Variants in CFP observed in about 807,000 individuals in gnomAD.
CFP encodes the protein properdin.
In CFP, 14 loss-of-function variants were observed where a neutral mutation model predicts 42.1. The observed-to-expected ratio is 0.33, with a 90% CI of 0.22 to 0.52. The LOEUF is 0.52. Ranked by LOEUF, CFP falls within the 20% of genes least tolerant of loss-of-function variation. The pLI is 0.96. For synonymous variants in CFP, 149 were observed against 160.6 expected (o/e 0.93, Z 0.54); for missense variants, 318 against 400.4 (o/e 0.79, Z 1.76).
At chrX:47,629,486 T>G in intron 2 of CFP, 38 bp downstream of exon 2, 1 of 669,632 alleles carries the variant, frequency 1.5e-6, no homozygotes, top group Non-Finnish European at 2.3e-6. Context: ...AGACAGTCCT[T>G]CCCTCCCCCC....
rs377699424 is a variant in CFP, at chrX:47,626,500, C to T, written c.960G>A (p.Ser320=). Reference sequence around the variant, plus strand: ...GGATACAGGGGCTCCACTCCCCCCACGAGTCCCACTCCCCATCCACTGCAG... The same window carrying T: ...GGATACAGGGGCTCCACTCCCCCCATGAGTCCCACTCCCCATCCACTGCAG... ...VPCPVDGEWD[S]WGEWSPCIRR... The change falls in exon 7 of 9, where the codon TCG becomes TCA. Residue 320 remains serine (S), a synonymous_variant. Transcript: ENST00000396992. 1.1e-5 allele frequency: 13 copies of T among 1,211,742 alleles called. 1 individual carries two copies. The highest frequency in any genetic ancestry group is 2.3e-4 in the Middle Eastern group (1 of 4,355).
chrX:47,629,406 C>T (rs1246965255), intron 2 of CFP, 118 bp downstream of exon 2: 9 of 551,311 alleles, frequency 1.6e-5, no homozygotes, highest in South Asian at 2.9e-5. Context: ...GGTATGGTCA[C>T]GATCAGGGCC....
At chrX:47,624,530 C>T (rs895585099) in intron 8 of CFP, 90 bp from the exon 9 acceptor site, 162 of 632,154 alleles carry the variant, frequency 2.6e-4, no homozygotes, top group Non-Finnish European at 3.2e-4. Flanking sequence ...TGCTATATGC[C>T]GAGGGCTACT....
chrX:47,630,085 C>T (rs2057985354), upstream of CFP: 1 of 423,386 alleles, frequency 2.4e-6, no homozygotes, highest in African/African-American at 2.5e-5. Flanking sequence ...CTCCTCCCAG[C>T]AACCTCACAG....
At chrX:47,629,486 T>TCCCACCCCCCCCAACC in intron 2 of CFP, 38 bp downstream of exon 2, 2 of 669,645 alleles carry the variant, frequency 3.0e-6, no homozygotes, top group Admixed American at 2.8e-5. Flanking sequence ...AGACAGTCCT[T>TCCCACCCCCCCCAACC]CCCTCCCCCC....
chrX:47,626,651 A>G (rs2057969693), intron 6 of CFP, 122 bp downstream of exon 6: 10 of 1,040,607 alleles, frequency 9.6e-6, no homozygotes. Flanking sequence ...GGTGGAAACA[A>G]GGTATCAGGG....
rs2147936766 is a variant in CFP at position 47,626,840 on chromosome X, A to G, written c.873T>C (p.His291=). 2.5e-6 allele frequency: 3 copies of G among 1,210,707 alleles called. No homozygotes were observed. Among genetic ancestry groups the G allele is most frequent in the Non-Finnish European group, 3.4e-6 (3 of 894,767 alleles). The change falls in exon 6 of 9, where the codon CAT becomes CAC. Residue 291 remains histidine, a synonymous_variant. Transcript: ENST00000396992. ...QRTCNHPVPQ[H]GGPFCAGDAT... is the part of the protein sequence containing the mutation. Reference sequence around the variant, plus strand: ...CATCGCCAGCACAGAAGGGGCCCCCATGCTGGGGCACAGGGTGATTGCACG... The same window carrying G: ...CATCGCCAGCACAGAAGGGGCCCCCGTGCTGGGGCACAGGGTGATTGCACG...
Position 47,623,924 on chromosome X carries a change from G to A in CFP, c.*351C>T, listed in dbSNP as rs960560746. On this transcript the variant is annotated 3_prime_UTR_variant, in exon 9 of 9. Coordinates refer to ENST00000396992, the MANE Select transcript of CFP (RefSeq NM_001145252.3). ...CCTGCCAGGACAAGTAGCCAATCAG[G>A]AAACCCGTAACGCGGAGCTCTGCAG... is the stretch of plus-strand genomic sequence containing the variant. The A allele has an allele frequency of 6.0e-5, 12 of 201,269 alleles. No homozygotes were observed. The highest frequency in any genetic ancestry group is 1.8e-3 in the Middle Eastern group (1 of 554). 16.6% of individuals were successfully genotyped at this position (201,269 alleles called of 1,213,427 possible).
At position 47,626,483 on chromosome X, in the gene CFP, G is replaced by A. The variant is rs144021755; in HGVS notation, c.977C>T (p.Pro326Leu). 48 of 1,209,770 alleles carry A rather than the reference G, an allele frequency of 4.0e-5. No individual in the cohort carries two copies. In the African/African-American group the frequency reaches 8.2e-4, roughly 21 times the overall value. The change falls in exon 7 of 9, where the codon CCC (proline) becomes CTC (leucine). Residue 326 changes from proline to leucine, a missense_variant. Transcript: ENST00000396992. ...GEWDSWGEWS[P>L]CIRRNMKSIS... Reference sequence around the variant, plus strand: ...GGACTTCATGTTCCGTCGGATACAGGGGCTCCACTCCCCCCACGAGTCCCA... The same window carrying A: ...GGACTTCATGTTCCGTCGGATACAGAGGCTCCACTCCCCCCACGAGTCCCA...
rs132630261 is a variant in CFP at position 47,626,062 on chromosome X, A to G, written c.1240T>C (p.Tyr414His). ...ATACTTTGCCCTCTCACTCACGGGTACTTGGGGAGCAAGGGTGTGCAGAGG... is the reference window on the plus strand; with the variant it reads ...ATACTTTGCCCTCTCACTCACGGGTGCTTGGGGAGCAAGGGTGTGCAGAGG... ...QRLCTPLLPK[Y>H]PPTVSMVEGQ... Residue 414 changes from tyrosine (Y) to histidine (H), a missense_variant, in exon 8 of 9, where the codon TAC (tyrosine) becomes CAC (histidine). Coordinates refer to ENST00000396992, the MANE Select transcript of CFP (RefSeq NM_001145252.3). The G allele has an allele frequency of 5.1e-6, 6 of 1,170,701 alleles. No individual in the cohort carries two copies. The African/African-American group carries it at 1.1e-4, about 21-fold the overall frequency.
intron 2 of CFP, chrX:47,629,034 T>C (rs1309602994): frequency 7.0e-6 from 1 of 143,510 alleles, no homozygotes; most frequent in Non-Finnish European, 1.4e-5. Context: ...TTCCCCAAAC[T>C]TTCCCGCCCC....
Position 47,624,386 on chromosome X carries a change from C to T in CFP, c.1299G>A (p.Gly433=), listed in dbSNP as rs1256886138. The change falls in exon 9 of 9, where the codon GGG becomes GGA. Residue 433 remains glycine, a synonymous_variant. Coordinates refer to ENST00000396992, the MANE Select transcript of CFP (RefSeq NM_001145252.3). Reference sequence around the variant, plus strand: ...GCTCCTCACACCGTGGCAGCGGTCTCCCCCAGAAGGTCACGTTCTTCTCGC... The same window carrying T: ...GCTCCTCACACCGTGGCAGCGGTCTTCCCCAGAAGGTCACGTTCTTCTCGC... The part of the protein sequence containing the change: ...GQGEKNVTFW[G]RPLPRCEELQ... 8.3e-7 allele frequency: 1 copy of T among 1,207,452 alleles called. No individual in the cohort carries two copies. The highest frequency in any genetic ancestry group is 1.8e-5 in the African/African-American group (1 of 56,399).
chrX:47,629,216 T>G, intron 2 of CFP: 2 of 290,379 alleles, frequency 6.9e-6, no homozygotes, highest in Non-Finnish European at 6.1e-6. Flanking sequence ...CCAGGGGACA[T>G]TTGGCAATGT....
In CFP at chrX:47,624,351, T is replaced by C; in HGVS notation, c.1334A>G (p.Gln445Arg). 5.8e-6 allele frequency: 7 copies of C among 1,210,238 alleles called. No individual in the cohort carries two copies. The highest frequency in any genetic ancestry group is 7.8e-6 in the Non-Finnish European group (7 of 894,844). ...TCGTTTCTCCTCCACCACCAGCTTC[T>C]GCCCTTGTAGCTCCTCACACCGTGG... ...PLPRCEELQG[Q>R]KLVVEEKRPC... Residue 445 changes from glutamine to arginine, a missense_variant, in exon 9 of 9, where the codon CAG becomes CGG. Transcript: ENST00000396992.
chrX:47,628,389 G>A, intron 2 of CFP, 112 bp from the exon 3 acceptor site: 1 of 714,590 alleles, frequency 1.4e-6, no homozygotes. Context: ...CGTGTGCGAT[G>A]GATTGATAAG....
Position 47,624,452 on chromosome X carries a change from G to A in CFP, c.1245-12C>T. On this transcript the variant is annotated splice_polypyrimidine_tract_variant and intron_variant, in intron 8 of 8. Coordinates refer to ENST00000396992, the MANE Select transcript of CFP (RefSeq NM_001145252.3). The stretch of plus-strand genomic sequence containing the variant: ...TGGAAACGGTGGGCCTGAGGCATTA[G>A]GGGTGGGGAGGAACGGAAGGGAGAA... 1 of 1,202,679 alleles carries A rather than the reference G, an allele frequency of 8.3e-7. No individual in the cohort carries two copies. The highest frequency in any genetic ancestry group is 1.8e-5 in the South Asian group (1 of 56,231).
At chrX:47,627,734 C>T in intron 3 of CFP, 93 bp from the exon 4 acceptor site, 1 of 899,497 alleles carries the variant, frequency 1.1e-6, no homozygotes, top group Non-Finnish European at 1.5e-6. Flanking sequence ...TAATCCTGTC[C>T]TTATATCCTC....
chrX:47,627,977 A>G, intron 3 of CFP, 125 bp downstream of exon 3: 3 of 854,414 alleles, frequency 3.5e-6, no homozygotes, highest in Non-Finnish European at 5.0e-6. Flanking sequence ...CTCACCTCCC[A>G]CCACTCTCCT....
rs1233390109 is a variant in CFP, at chrX:47,627,032, A to G, written c.767-86T>C. 13 of 1,142,663 alleles carry G rather than the reference A, an allele frequency of 1.1e-5. No homozygotes were observed. The South Asian group carries it at 1.9e-4, about 17-fold the overall frequency. 94.2% of individuals were successfully genotyped at this position (1,142,663 alleles called of 1,213,427 possible). ...AGACCCTTGAAGCAGACTGTCCCCA[A>G]ATGAAGGGCTGCATGGTCACATGGC... On this transcript the variant is annotated intron_variant, in intron 5 of 8. Coordinates refer to ENST00000396992, the MANE Select transcript of CFP (RefSeq NM_001145252.3).
Sources: allele counts gnomAD v4.1 joint callset, GRCh38; gene constraint gnomAD v4.1.1; transcripts MANE v1.5; gene names NCBI Gene and HGNC (gene_info 2026-07-23, HGNC 2026-07-21).